Variants in CNTNAP2 observed in about 807,000 individuals in gnomAD.
The protein encoded by CNTNAP2 is contactin-associated protein-like 2.
A neutral mutation model predicts 155.2 loss-of-function variants in CNTNAP2; 98 were observed. The observed-to-expected ratio is 0.63, with a 90% confidence interval of 0.54 to 0.75. The LOEUF is 0.75. Ranked by LOEUF, CNTNAP2 falls within the 30% of genes least tolerant of loss-of-function variation. The pLI, the probability that CNTNAP2 is intolerant of heterozygous loss-of-function variation, is 0.00. For missense variants in CNTNAP2, 1,727 were observed against 1,688.1 expected (o/e 1.02, Z -0.40); for synonymous variants, 651 against 631.2 (o/e 1.03, Z -0.47).
At chr7:147,893,832 A>G (rs537363012) in intron 13 of CNTNAP2, among the ~76,000 whole-genome samples, 53 of 152,266 alleles carry the variant, frequency 3.5e-4, no homozygotes, top group African/African-American at 1.2e-3. Flanking sequence ...TCCACATGTA[A>G]AAGAAGAGGA....
intron 18 of CNTNAP2, among the ~76,000 whole-genome samples, chr7:148,183,170 T>C (rs1023400247): frequency 1.3e-5 from 2 of 152,106 alleles, no homozygotes; most frequent in Admixed American, 1.3e-4. Context: ...ATGGAGGGGA[T>C]AGAACCAACT....
chr7:146,781,400 A>T (rs1802486749), intron 2 of CNTNAP2, among the ~76,000 whole-genome samples: 1 of 152,084 alleles, frequency 6.6e-6, no homozygotes, highest in South Asian at 2.1e-4. Flanking sequence ...TTTAAAAATT[A>T]ACATAAAAAG....
intron 9 of CNTNAP2, among the ~76,000 whole-genome samples, chr7:147,320,433 T>A (rs1177009304): frequency 6.6e-6 from 1 of 152,144 alleles, no homozygotes; most frequent in Non-Finnish European, 1.5e-5. Flanking sequence ...AAACTGACAG[T>A]ATGTACCAAT....
intron 21 of CNTNAP2, among the ~76,000 whole-genome samples, chr7:148,332,483 T>C (rs10435204): frequency 0.64 from 97,282 of 151,972 alleles, 31,379 homozygotes; most frequent in East Asian, 0.76. Flanking sequence ...AAAAATGAAT[T>C]GAGCCTCAGC....
At chr7:147,581,011 G>A (rs971155245) in intron 12 of CNTNAP2, among the ~76,000 whole-genome samples, 3 of 152,160 alleles carry the variant, frequency 2.0e-5, no homozygotes, top group Non-Finnish European at 2.9e-5. Flanking sequence ...TTTCTCCAAC[G>A]CTGTGTTCTA....
intron 8 of CNTNAP2, among the ~76,000 whole-genome samples, chr7:147,152,838 G>A (rs969103342): frequency 5.9e-5 from 9 of 152,056 alleles, no homozygotes; most frequent in African/African-American, 1.9e-4. Context: ...TTAAAATGGG[G>A]AAATTGAGGC....
intron 11 of CNTNAP2, among the ~76,000 whole-genome samples, chr7:147,514,281 G>C (rs1428650395): frequency 1.3e-5 from 2 of 151,848 alleles, no homozygotes; most frequent in Non-Finnish European, 2.9e-5. Context: ...AATATATATA[G>C]ATATGGATAT....
At chr7:146,837,665 A>G (rs1803644443) in intron 2 of CNTNAP2, among the ~76,000 whole-genome samples, 1 of 152,124 alleles carries the variant, frequency 6.6e-6, no homozygotes, top group Middle Eastern at 3.4e-3. Context: ...TTCAGTTTCT[A>G]AATGTTTATG....
intron 15 of CNTNAP2, among the ~76,000 whole-genome samples, chr7:148,011,113 T>C (rs1802073669): frequency 6.6e-6 from 1 of 152,164 alleles, no homozygotes; most frequent in Non-Finnish European, 1.5e-5. Context: ...CCATTTACAA[T>C]GTAAAAGTCA....
chr7:146,148,792 A>G (rs1413002721), intron 1 of CNTNAP2, among the ~76,000 whole-genome samples: 3 of 152,160 alleles, frequency 2.0e-5, no homozygotes, highest in Non-Finnish European at 1.5e-5. Flanking sequence ...CATTGATAAC[A>G]TAATCTAAGG....
chr7:148,299,236 C>T (rs956745192), intron 21 of CNTNAP2, among the ~76,000 whole-genome samples: 4 of 152,186 alleles, frequency 2.6e-5, no homozygotes, highest in Non-Finnish European at 4.4e-5. Flanking sequence ...GTGATGTGCC[C>T]TCCTCAGCCT....
At chr7:146,239,417 A>C (rs902667897) in intron 1 of CNTNAP2, among the ~76,000 whole-genome samples, 1 of 152,230 alleles carries the variant, frequency 6.6e-6, no homozygotes, top group African/African-American at 2.4e-5. Context: ...AAAGAGGACC[A>C]GCCTAATAAC....
At chr7:146,813,873 T>C (rs977887273) in intron 2 of CNTNAP2, among the ~76,000 whole-genome samples, 3 of 152,104 alleles carry the variant, frequency 2.0e-5, no homozygotes, top group African/African-American at 7.2e-5. Flanking sequence ...GCTGTTCTTA[T>C]GGTAGTGAGT....
At chr7:146,784,113 A>G (rs1802534644) in intron 2 of CNTNAP2, among the ~76,000 whole-genome samples, 1 of 152,212 alleles carries the variant, frequency 6.6e-6, no homozygotes, top group Non-Finnish European at 1.5e-5. Context: ...AATAAAGATA[A>G]AAGAGTTTTT....
chr7:148,083,740 G>T (rs1308372587), intron 15 of CNTNAP2, among the ~76,000 whole-genome samples: 1 of 152,130 alleles, frequency 6.6e-6, no homozygotes, highest in Non-Finnish European at 1.5e-5. Context: ...CTCTGGGGAC[G>T]CAGGAGTCTT....
chr7:147,004,192 A>T (rs1798481006), intron 3 of CNTNAP2, among the ~76,000 whole-genome samples: 1 of 150,012 alleles, frequency 6.7e-6, no homozygotes, highest in Non-Finnish European at 1.5e-5. Flanking sequence ...CAATAATATT[A>T]AAACTTAAAA....
chr7:147,730,212 C>T (rs767867005), intron 13 of CNTNAP2, among the ~76,000 whole-genome samples: 31 of 152,168 alleles, frequency 2.0e-4, no homozygotes, highest in Non-Finnish European at 3.7e-4. Context: ...TGAACAATTA[C>T]GGTCCTTTCA....
chr7:146,424,230 A>G (rs1418957492), intron 1 of CNTNAP2, among the ~76,000 whole-genome samples: 1 of 152,112 alleles, frequency 6.6e-6, no homozygotes, highest in African/African-American at 2.4e-5. Context: ...AGATCTTCAA[A>G]CTCCCCCTGG....
chr7:146,342,923 T>A (rs1794753619), intron 1 of CNTNAP2, among the ~76,000 whole-genome samples: 3 of 152,230 alleles, frequency 2.0e-5, no homozygotes, highest in Admixed American at 2.0e-4. Context: ...AGAATTAGAA[T>A]GCAGAATTGC....
Sources: gnomAD v4.1 joint callset for allele counts (sites outside exome capture counted in the v4.1 genomes callset) on GRCh38, gnomAD v4.1.1 for gene constraint, MANE v1.5 for transcripts, NCBI Gene and HGNC (gene_info 2026-07-23, HGNC 2026-07-21) for gene names.